Variants in P2RX4 observed in about 807,000 individuals in gnomAD.
P2RX4 encodes P2X purinoceptor 4.
P2RX4 carries 37 observed loss-of-function variants against 48.0 expected under a neutral mutation model. The ratio of observed to expected loss-of-function variants is 0.77; its 90% CI spans 0.59 to 1.01. The LOEUF (loss-of-function observed/expected upper bound fraction) is 1.01, where lower values mean the gene tolerates loss of function less well. Ranked by LOEUF, P2RX4 falls within the 50% of genes least tolerant of loss-of-function variation. The pLI, the probability that P2RX4 is intolerant of heterozygous loss-of-function variation, is 0.00. For missense variants in P2RX4, 501 were observed against 521.4 expected (o/e 0.96, Z 0.38); for synonymous variants, 200 against 199.7 (o/e 1.00, Z -0.01).
chr12:121,229,973 C>T lies in P2RX4; in HGVS notation c.884+874C>T, dbSNP rs1887235439. Among the ~76,000 whole-genome samples the T allele has an allele frequency of 6.6e-6, 1 of 152,224 alleles. No homozygotes were observed. Among genetic ancestry groups the T allele is most frequent in the African/African-American group, 2.4e-5 (1 of 41,452 alleles). On this transcript the variant is annotated intron_variant, in intron 8 of 11. Transcript: ENST00000337233. The surrounding 1 kb of genome is among the most constrained non-coding windows in gnomAD (Gnocchi z 4.6). ...TATCCCATTTCCAAATAAGGTCACA[C>T]TCCCAAGCTTCAGGTAGATGTGAAT...
intron 1 of P2RX4, chr12:121,212,824 A>ATATATATTTT (rs370835501): frequency 1.2e-4 from 4 of 32,248 alleles, no homozygotes; most frequent in African/African-American, 3.4e-4. Flanking sequence ...ATATATATAT[A>ATATATATTTT]TTTTTTTTTT....
chr12:121,223,699 C>T (rs953692782), intron 5 of P2RX4, among the ~76,000 whole-genome samples: 15 of 152,236 alleles, frequency 9.9e-5, no homozygotes, highest in African/African-American at 3.1e-4. Flanking sequence ...CACACATACA[C>T]ATGCGTGCAC....
intron 8 of P2RX4, among the ~76,000 whole-genome samples, chr12:121,230,993 T>TTTTTC (rs1555238308): frequency 6.8e-6 from 1 of 147,876 alleles, no homozygotes; most frequent in African/African-American, 2.5e-5. Flanking sequence ...TTTTTTTTTT[T>TTTTTC]TTCTTCTTTT....
intron 5 of P2RX4, among the ~76,000 whole-genome samples, chr12:121,224,209 T>C (rs547416527): frequency 6.6e-6 from 1 of 152,252 alleles, no homozygotes; most frequent in South Asian, 2.1e-4. Context: ...ATTGGGGAGA[T>C]ATGGCTTCCA....
At chr12:121,224,338 C>T (rs1886844976) in intron 5 of P2RX4, among the ~76,000 whole-genome samples, 1 of 152,142 alleles carries the variant, frequency 6.6e-6, no homozygotes, top group Non-Finnish European at 1.5e-5. Flanking sequence ...GGCGCGGTGG[C>T]TCATGCTGTA....
chr12:121,225,471 C>T (rs1386799612), intron 5 of P2RX4, among the ~76,000 whole-genome samples: 3 of 152,000 alleles, frequency 2.0e-5, no homozygotes, highest in East Asian at 1.9e-4. Flanking sequence ...AGTGCAGTGG[C>T]GCCATCTCTG....
intron 2 of P2RX4, among the ~76,000 whole-genome samples, chr12:121,220,818 C>G (rs1357646626): frequency 6.6e-6 from 1 of 152,164 alleles, no homozygotes; most frequent in Non-Finnish European, 1.5e-5. Flanking sequence ...CACTCCCTGG[C>G]AACCCGTAAG....
chr12:121,221,868 T>G, intron 2 of P2RX4, 45 bp from the exon 3 acceptor site: 2 of 1,561,402 alleles, frequency 1.3e-6, no homozygotes, highest in Non-Finnish European at 1.8e-6. Flanking sequence ...TGGCTCTCCG[T>G]GAGTCCTCTG....
At chr12:121,227,879 A>T (rs1040315241) in intron 5 of P2RX4, among the ~76,000 whole-genome samples, 16 of 151,018 alleles carry the variant, frequency 1.1e-4, no homozygotes, top group Non-Finnish European at 1.5e-5. Context: ...TGAGGTCAGG[A>T]GTTCAAGACC....
At position 121,232,611 on chromosome 12, in the gene P2RX4, G is replaced by T; in HGVS notation, c.979G>T (p.Ala327Ser). 1 of 1,613,882 alleles carries T rather than the reference G, an allele frequency of 6.2e-7. No individual in the cohort carries two copies. The highest frequency in any genetic ancestry group is 8.5e-7 in the Non-Finnish European group (1 of 1,179,802). ...IRFDIIVFGK[A>S]GKFDIIPTMI... Reference sequence around the variant, plus strand: ...TTTTTCTTTTTCGGTGTCTTGGCAGGCAGGGAAATTTGACATCATCCCCAC... The same window carrying T: ...TTTTTCTTTTTCGGTGTCTTGGCAGTCAGGGAAATTTGACATCATCCCCAC... The change falls in exon 10 of 12, where the codon GCA becomes TCA. Residue 327 changes from alanine to serine, a missense_variant and splice_region_variant. Coordinates refer to ENST00000337233, the MANE Select transcript of P2RX4 (RefSeq NM_002560.3). This position sits in a 1 kb window ranked among gnomAD's most constrained non-coding sequence, Gnocchi z 4.3.
chr12:121,227,085 G>A lies in P2RX4; in HGVS notation c.525-1448G>A, dbSNP rs1309256092. Among the ~76,000 whole-genome samples, 4 of 151,542 alleles carry A rather than the reference G, an allele frequency of 2.6e-5. No individual in the cohort carries two copies. The East Asian group carries it at 7.7e-4, about 29-fold the overall frequency. ...ATCGCGGCATTGCACTCCAGCCTGA[G>A]CAACAGGAGCAAGACTCCATCTCAA... On this transcript the variant is annotated intron_variant, in intron 5 of 11. Transcript: ENST00000337233.
At chr12:121,216,874 C>T (rs1450409036) in intron 1 of P2RX4, 6 of 684,410 alleles carry the variant, frequency 8.8e-6, no homozygotes, top group East Asian at 2.7e-5. Context: ...ATTCATCGAG[C>T]GTTTTCTCTG....
chr12:121,226,482 G>T (rs1341315906), intron 5 of P2RX4, among the ~76,000 whole-genome samples: 1 of 151,932 alleles, frequency 6.6e-6, no homozygotes, highest in Non-Finnish European at 1.5e-5. Context: ...GATAGAAGTT[G>T]CAGTGAGCCA....
intron 1 of P2RX4, chr12:121,215,446 T>G (rs900386779): frequency 5.5e-4 from 35 of 64,204 alleles, no homozygotes; most frequent in Admixed American, 5.3e-3. Flanking sequence ...TAGATGGTTT[T>G]TTTTTTTTTT....
chr12:121,232,592 T>A lies in P2RX4; in HGVS notation c.979-19T>A. On this transcript the variant is annotated intron_variant, in intron 9 of 11. Transcript: ENST00000337233. This position sits in a 1 kb window ranked among gnomAD's most constrained non-coding sequence, Gnocchi z 4.3. ...TGCCCCTGCAGAAACACTTTTTTTC[T>A]TTTTCGGTGTCTTGGCAGGCAGGGA... The A allele has an allele frequency of 1.9e-6, 3 of 1,613,538 alleles. No homozygotes were observed. Among genetic ancestry groups the A allele is most frequent in the Non-Finnish European group, 1.7e-6 (2 of 1,179,456 alleles).
At chr12:121,212,818 A>ATTTTT (rs1392673928) in intron 1 of P2RX4, 42 of 31,778 alleles carry the variant, frequency 1.3e-3, no homozygotes, top group Non-Finnish European at 2.0e-3. Flanking sequence ...ATATATATAT[A>ATTTTT]TATATATTTT....
chr12:121,222,911 G>C (rs1446322776), intron 4 of P2RX4, 36 bp from the exon 5 acceptor site: 1 of 1,518,576 alleles, frequency 6.6e-7, no homozygotes, highest in Non-Finnish European at 9.1e-7. Flanking sequence ...AGACCCCTGT[G>C]GACATGGGAC....
In P2RX4 at chr12:121,229,020, C is replaced by T. The variant is rs373359765; in HGVS notation, c.805C>T (p.Leu269Phe). ...WDCNLDRAASLCLPRYSFRRL... is the reference protein window; with the variant it reads ...WDCNLDRAASFCLPRYSFRRL... The stretch of plus-strand genomic sequence containing the variant: ...CTGCAACCTGGACAGAGCCGCCTCC[C>T]TCTGCTTGCCCAGGTACTCCTTCCG... The change falls in exon 8 of 12, where the codon CTC (leucine) becomes TTC (phenylalanine). Residue 269 changes from leucine (L) to phenylalanine (F), a missense_variant. Physicochemically the swap from Leu to Phe is conservative, Grantham distance 22. Around this residue, in one of 3 missense-constraint regions of P2RX4, gnomAD observed 197 missense variants for 219.5 expected, o/e 0.90. Transcript: ENST00000337233. The surrounding 1 kb of genome is among the most constrained non-coding windows in gnomAD (Gnocchi z 4.6). 3.7e-5 allele frequency: 59 copies of T among 1,613,990 alleles called. No homozygotes were observed. Among genetic ancestry groups the T allele is most frequent in the Non-Finnish European group, 4.7e-5 (56 of 1,180,042 alleles).
chr12:121,220,580 A>T (rs923515291), intron 2 of P2RX4, among the ~76,000 whole-genome samples: 7 of 152,104 alleles, frequency 4.6e-5, no homozygotes, highest in Admixed American at 2.0e-4. Context: ...AGATTGCAGT[A>T]AGCCAAGATC....
Sources: allele counts gnomAD v4.1 joint callset (sites outside exome capture counted in the v4.1 genomes callset), GRCh38; gene constraint gnomAD v4.1.1; regional missense constraint gnomAD v4.1.1; non-coding constraint Gnocchi (gnomAD v3.1); transcripts MANE v1.5; gene names NCBI Gene and HGNC (gene_info 2026-07-23, HGNC 2026-07-21).